Variants in PUM2 observed in about 807,000 individuals in gnomAD.
The protein encoded by PUM2 is pumilio RNA binding family member 2.
PUM2 carries 57 observed loss-of-function variants against 124.5 expected under a neutral mutation model. That is an observed-to-expected ratio of 0.46 (90% CI 0.37 to 0.57). The LOEUF is 0.57. Ranked by LOEUF, PUM2 falls within the 20% of genes least tolerant of loss-of-function variation. PUM2 has a pLI of 0.00. For synonymous variants in PUM2, 460 were observed against 446.1 expected, an observed-to-expected ratio of 1.03 and a Z score of -0.39; for missense variants, 1,065 against 1,290.6, an observed-to-expected ratio of 0.83 and a Z score of 2.68.
intron 14 of PUM2, among the ~76,000 whole-genome samples, chr2:20,260,704 T>C (rs1252086158): frequency 6.6e-6 from 1 of 152,222 alleles, no homozygotes; most frequent in Non-Finnish European, 1.5e-5. Context: ...CTTTCTTAGG[T>C]TGGTTACATT....
chr2:20,270,611 T>C (rs1273574444), intron 13 of PUM2, among the ~76,000 whole-genome samples: 3 of 152,126 alleles, frequency 2.0e-5, no homozygotes, highest in African/African-American at 7.2e-5. Flanking sequence ...ATTTTCATAA[T>C]GCAATGTTCT....
intron 1 of PUM2, among the ~76,000 whole-genome samples, chr2:20,328,459 G>GA (rs1558656968): frequency 6.6e-6 from 1 of 152,042 alleles, no homozygotes; most frequent in Non-Finnish European, 1.5e-5. Flanking sequence ...AGACAGGTGA[G>GA]AAAAAAGGAA....
chr2:20,288,709 A>G (rs1023896211), intron 10 of PUM2, among the ~76,000 whole-genome samples: 4 of 152,258 alleles, frequency 2.6e-5, no homozygotes, highest in Non-Finnish European at 5.9e-5. Flanking sequence ...CTGAAGGAAC[A>G]TCGATTTTCT....
At chr2:20,251,812 C>T (rs1380211877) in intron 20 of PUM2, 96 bp from the exon 21 acceptor site, 14 of 1,414,540 alleles carry the variant, frequency 9.9e-6, no homozygotes, top group African/African-American at 1.4e-5. Context: ...AGAGGAATAA[C>T]TGCAATTAAA....
At chr2:20,297,970 A>C (rs1676032975) in intron 7 of PUM2, among the ~76,000 whole-genome samples, 1 of 152,248 alleles carries the variant, frequency 6.6e-6, no homozygotes, top group African/African-American at 2.4e-5. Context: ...TATAAATTCA[A>C]AAAGAAATGA....
chr2:20,251,811 ACTGC>A, intron 20 of PUM2, 95 bp from the exon 21 acceptor site: 1 of 1,417,808 alleles, frequency 7.1e-7, no homozygotes, highest in Non-Finnish European at 9.6e-7. Context: ...TAGAGGAATA[ACTGC>A]AATTAAAAAA....
chr2:20,325,057 G>GA (rs1683341509), intron 2 of PUM2, among the ~76,000 whole-genome samples: 1 of 152,086 alleles, frequency 6.6e-6, no homozygotes, highest in African/African-American at 2.4e-5. Context: ...CACCTGTCAG[G>GA]AAAGGAGGAG....
At chr2:20,326,461 C>T in intron 2 of PUM2, 2 of 1,261,932 alleles carry the variant, frequency 1.6e-6, no homozygotes, top group Non-Finnish European at 2.1e-6. Context: ...TCTCCAGGAG[C>T]AAGCAGTTAA....
At chr2:20,313,579 A>C (rs538915009) in intron 3 of PUM2, among the ~76,000 whole-genome samples, 3 of 152,168 alleles carry the variant, frequency 2.0e-5, no homozygotes, top group Non-Finnish European at 4.4e-5. Flanking sequence ...CATACGTGCT[A>C]TCCCAGCACT....
chr2:20,315,369 T>C (rs1026921768), intron 3 of PUM2, among the ~76,000 whole-genome samples: 5 of 152,158 alleles, frequency 3.3e-5, no homozygotes, highest in Admixed American at 1.3e-4. Context: ...CCTGCAGTCA[T>C]GGAAAGAGAC....
chr2:20,285,027 T>C (rs1672405018), intron 10 of PUM2, among the ~76,000 whole-genome samples: 1 of 152,236 alleles, frequency 6.6e-6, no homozygotes, highest in Non-Finnish European at 1.5e-5. Flanking sequence ...TTCAAAAACA[T>C]TGTCATTTAC....
At chr2:20,281,916 GAA>G (rs1671621772) in intron 12 of PUM2, among the ~76,000 whole-genome samples, 1 of 152,156 alleles carries the variant, frequency 6.6e-6, no homozygotes. Context: ...CACTCCCTTA[GAA>G]AACTGGCAAG....
At chr2:20,274,539 T>C (rs1238168757) in intron 13 of PUM2, among the ~76,000 whole-genome samples, 1 of 152,072 alleles carries the variant, frequency 6.6e-6, no homozygotes, top group African/African-American at 2.4e-5. Flanking sequence ...AATTTTATAA[T>C]CCACAGCAAA....
chr2:20,289,557 T>C (rs1440858498), intron 10 of PUM2, among the ~76,000 whole-genome samples: 1 of 152,040 alleles, frequency 6.6e-6, no homozygotes, highest in Non-Finnish European at 1.5e-5. Context: ...AAAAATAAAA[T>C]AATGAGAATG....
intron 1 of PUM2, among the ~76,000 whole-genome samples, chr2:20,348,336 C>A (rs1688647665): frequency 6.6e-6 from 1 of 151,984 alleles, no homozygotes; most frequent in African/African-American, 2.4e-5. Flanking sequence ...CTCAAATATT[C>A]GGATATTTTA....
At chr2:20,348,883 C>T (rs1688766508) in intron 1 of PUM2, among the ~76,000 whole-genome samples, 1 of 152,252 alleles carries the variant, frequency 6.6e-6, no homozygotes, top group Non-Finnish European at 1.5e-5. Flanking sequence ...GAGCCCAGAT[C>T]TCACCACCTG....
At position 20,327,703 on chromosome 2, in the gene PUM2, GTTGT is replaced by G. The variant is rs1186463282; in HGVS notation, c.-18-329_-18-326del. On this transcript the variant is annotated intron_variant, in intron 1 of 20. Coordinates refer to ENST00000361078, the MANE Select transcript of PUM2 (RefSeq NM_015317.5). Reference sequence around the variant, plus strand: ...AGCACAGAGTAAGGTTTTTTGTTTGGTTGTTTGTTTTTTTTAAATGGCATTTCTG... The same window carrying G: ...AGCACAGAGTAAGGTTTTTTGTTTGGTTGTTTTTTTTAAATGGCATTTCTG... Among the ~76,000 whole-genome samples, 4 of 152,144 alleles carry G rather than the reference GTTGT, an allele frequency of 2.6e-5. No individual in the cohort carries two copies. In the South Asian group the frequency reaches 6.2e-4, roughly 24 times the overall value.
intron 2 of PUM2, among the ~76,000 whole-genome samples, chr2:20,322,901 T>C (rs1428390268): frequency 6.6e-6 from 1 of 152,126 alleles, no homozygotes; most frequent in African/African-American, 2.4e-5. Context: ...ACAAAAATGG[T>C]GCTTTTCCAG....
intron 13 of PUM2, among the ~76,000 whole-genome samples, chr2:20,264,979 C>A (rs1333506962): frequency 6.6e-6 from 1 of 152,038 alleles, no homozygotes; most frequent in Non-Finnish European, 1.5e-5. Flanking sequence ...AATCCCCAGC[C>A]CCATCTCCAA....
Sources: allele counts gnomAD v4.1 joint callset (sites outside exome capture counted in the v4.1 genomes callset), GRCh38; gene constraint gnomAD v4.1.1; transcripts MANE v1.5; gene names NCBI Gene and HGNC (gene_info 2026-07-23, HGNC 2026-07-21).